Variants in RIC1 observed in about 807,000 individuals in gnomAD.
The protein encoded by RIC1 is guanine nucleotide exchange factor subunit RIC1.
A neutral mutation model predicts 169.0 loss-of-function variants in RIC1; 88 were observed. The ratio of observed to expected loss-of-function variants is 0.52; its 90% confidence interval spans 0.44 to 0.62. The LOEUF is 0.62. Ranked by LOEUF, RIC1 falls within the 20% of genes least tolerant of loss-of-function variation. The pLI is 0.00. For missense variants in RIC1, 1,877 were observed against 1,725.5 expected, an observed-to-expected ratio of 1.09 and a Z score of -1.56; for synonymous variants, 790 against 601.5, an observed-to-expected ratio of 1.31 and a Z score of -4.59.
intron 2 of RIC1, among the ~76,000 whole-genome samples, chr9:5,676,519 A>G (rs144120820): frequency 6.6e-6 from 1 of 152,348 alleles, no homozygotes; most frequent in African/African-American, 2.4e-5. Context: ...AAACTAGGGT[A>G]CAGAGAGGTT....
Position 5,754,596 on chromosome 9 carries a change from A to T in RIC1, c.1603-245A>T, listed in dbSNP as rs374186672. Among the ~76,000 whole-genome samples, 398 of 152,120 alleles carry T rather than the reference A, an allele frequency of 2.6e-3. 2 individuals are homozygous for T. Among genetic ancestry groups the T allele is most frequent in the African/African-American group, 9.2e-3 (380 of 41,490 alleles). On this transcript the variant is annotated intron_variant, in intron 14 of 25. Transcript: ENST00000414202. ...ATACAAAATTAGCTAGGTGTGTTGG[A>T]GCATGCTTGTAATCCCAGCTACTTG...
intron 7 of RIC1, among the ~76,000 whole-genome samples, chr9:5,735,774 C>A (rs1824664221): frequency 6.6e-6 from 1 of 152,140 alleles, no homozygotes; most frequent in Non-Finnish European, 1.5e-5. Context: ...TTCCTGTTAA[C>A]CTAAATATTT....
At chr9:5,714,075 A>T in intron 4 of RIC1, 72 bp downstream of exon 4, 4 of 909,420 alleles carry the variant, frequency 4.4e-6, no homozygotes, top group Non-Finnish European at 6.8e-6. Context: ...CCCATGACCA[A>T]CAGGAAAGTT....
chr9:5,689,619 T>C (rs565754816), intron 2 of RIC1, among the ~76,000 whole-genome samples: 130 of 152,344 alleles, frequency 8.5e-4, no homozygotes, highest in Middle Eastern at 3.4e-3. Context: ...CTTAGAATAA[T>C]AATTTGCCAT....
intron 1 of RIC1, among the ~76,000 whole-genome samples, chr9:5,640,026 C>G (rs751964894): frequency 5.3e-5 from 8 of 152,110 alleles, no homozygotes; most frequent in Non-Finnish European, 1.0e-4. Context: ...TCCATTCACC[C>G]ACTCTCTGTC....
chr9:5,698,705 A>G (rs575316933), intron 3 of RIC1, among the ~76,000 whole-genome samples: 1 of 152,314 alleles, frequency 6.6e-6, no homozygotes, highest in East Asian at 1.9e-4. Flanking sequence ...TGGAAAAGCC[A>G]TTTTCTAAAG....
chr9:5,716,313 T>C (rs1201571157), intron 4 of RIC1, among the ~76,000 whole-genome samples: 1 of 152,112 alleles, frequency 6.6e-6, no homozygotes, highest in African/African-American at 2.4e-5. Flanking sequence ...ATATTAAAAA[T>C]ATTTCAGAAC....
intron 2 of RIC1, among the ~76,000 whole-genome samples, chr9:5,658,467 C>A (rs1005209196): frequency 6.6e-6 from 1 of 152,000 alleles, no homozygotes; most frequent in African/African-American, 2.4e-5. Context: ...TGTTATAATA[C>A]TGCTCAGTTG....
At chr9:5,735,446 A>G (rs1274164218) in intron 7 of RIC1, among the ~76,000 whole-genome samples, 1 of 152,242 alleles carries the variant, frequency 6.6e-6, no homozygotes, top group East Asian at 1.9e-4. Flanking sequence ...CTATGGGCTT[A>G]TAAGCTACAT....
At chr9:5,734,079 T>C in intron 7 of RIC1, among the ~76,000 whole-genome samples, 1 of 147,266 alleles carries the variant, frequency 6.8e-6, no homozygotes, top group East Asian at 2.0e-4. Context: ...ATATATAATA[T>C]ATATTTTAAA....
chr9:5,650,557 G>C (rs1439529283), intron 1 of RIC1, among the ~76,000 whole-genome samples: 2 of 152,048 alleles, frequency 1.3e-5, no homozygotes, highest in East Asian at 3.9e-4. Flanking sequence ...CAGAGGCTGG[G>C]GTGGGGCAGG....
chr9:5,678,325 T>C lies in RIC1; in HGVS notation c.253-11634T>C, dbSNP rs557294215. Among the ~76,000 whole-genome samples the C allele has an allele frequency of 1.7e-3, 263 of 152,268 alleles. 1 individual carries two copies. The highest frequency in any genetic ancestry group is 5.9e-3 in the African/African-American group (244 of 41,540). On this transcript the variant is annotated intron_variant, in intron 2 of 25. Coordinates refer to ENST00000414202, the MANE Select transcript of RIC1 (RefSeq NM_020829.4). ...GTAAACATACGTGTGCATGTGTCTT[T>C]ATAGCAGCATGATTTATAGTCATTT...
At chr9:5,729,386 T>G (rs1453146364) in intron 6 of RIC1, among the ~76,000 whole-genome samples, 1 of 152,158 alleles carries the variant, frequency 6.6e-6, no homozygotes, top group Non-Finnish European at 1.5e-5. Context: ...CTACATTTAA[T>G]TTAGCCTTTC....
chr9:5,766,553 C>A (rs1160579034), intron 21 of RIC1, among the ~76,000 whole-genome samples: 1 of 152,084 alleles, frequency 6.6e-6, no homozygotes, highest in Non-Finnish European at 1.5e-5. Flanking sequence ...TATGCCTTTG[C>A]GTCCTCATGG....
intron 2 of RIC1, among the ~76,000 whole-genome samples, chr9:5,657,238 A>G (rs1586892076): frequency 6.6e-6 from 1 of 152,090 alleles, no homozygotes. Context: ...TAAAATTTCC[A>G]TATCCATTTG....
intron 2 of RIC1, among the ~76,000 whole-genome samples, chr9:5,676,105 C>T (rs1206591661): frequency 1.3e-5 from 2 of 152,114 alleles, no homozygotes; most frequent in African/African-American, 4.8e-5. Flanking sequence ...TAACGAAAGA[C>T]GAGGTCTTGC....
chr9:5,731,159 G>A (rs929691283), intron 6 of RIC1, among the ~76,000 whole-genome samples: 1 of 151,768 alleles, frequency 6.6e-6, no homozygotes, highest in Non-Finnish European at 1.5e-5. Flanking sequence ...TCTGTCTCTT[G>A]ACTCAAATGT....
At chr9:5,635,806 C>G (rs1438199688) in intron 1 of RIC1, among the ~76,000 whole-genome samples, 1 of 152,216 alleles carries the variant, frequency 6.6e-6, no homozygotes, top group East Asian at 1.9e-4. Context: ...TCTACACGCT[C>G]TGTCTCTCTC....
chr9:5,701,069 A>G (rs1822185605), intron 3 of RIC1, among the ~76,000 whole-genome samples: 2 of 152,172 alleles, frequency 1.3e-5, no homozygotes, highest in South Asian at 2.1e-4. Context: ...AACTATCACT[A>G]TGACTTAAGT....
Sources: allele counts gnomAD v4.1 joint callset (sites outside exome capture counted in the v4.1 genomes callset), GRCh38; gene constraint gnomAD v4.1.1; transcripts MANE v1.5; gene names NCBI Gene and HGNC (gene_info 2026-07-23, HGNC 2026-07-21).